Variants in RBFOX1 observed in about 807,000 individuals in gnomAD.
The protein encoded by RBFOX1 is RNA binding protein fox-1 homolog 1.
RBFOX1 carries 8 observed loss-of-function variants against 57.7 expected under a neutral mutation model. The ratio of observed to expected loss-of-function variants is 0.14; its 90% CI spans 0.08 to 0.25. RBFOX1 has a LOEUF of 0.25. Among genes scored for constraint, RBFOX1 ranks in the 10% least tolerant of loss-of-function variants. The pLI is 1.00. For missense variants in RBFOX1, 611 were observed against 548.5 expected (o/e 1.11, Z -1.14); for synonymous variants, 326 against 222.4 (o/e 1.47, Z -4.15).
At chr16:5,249,926 G>GAGGTTGCAGTGAGGAGC (rs1567234267) in intron 1 of RBFOX1, among the ~76,000 whole-genome samples, 2 of 151,800 alleles carry the variant, frequency 1.3e-5, no homozygotes, top group African/African-American at 2.4e-5. Flanking sequence ...CAGTGAGGAG[G>GAGGTTGCAGTGAGGAGC]AGGTTGCAGT....
intron 3 of RBFOX1, among the ~76,000 whole-genome samples, chr16:6,681,925 T>A (rs1054149286): frequency 2.0e-5 from 3 of 152,214 alleles, no homozygotes; most frequent in African/African-American, 7.2e-5. Flanking sequence ...AAGTCAAGTA[T>A]GTCCCTTAAA....
At chr16:6,592,537 AG>A (rs2097725942) in intron 2 of RBFOX1, among the ~76,000 whole-genome samples, 1 of 152,226 alleles carries the variant, frequency 6.6e-6, no homozygotes, top group Non-Finnish European at 1.5e-5. Context: ...GAATAAGGTG[AG>A]AGACTTTGGA....
At chr16:7,223,644 A>G (rs1014043446) in intron 4 of RBFOX1, among the ~76,000 whole-genome samples, 1 of 150,430 alleles carries the variant, frequency 6.6e-6, no homozygotes. Flanking sequence ...TATTTATTTC[A>G]GTGTCTTATG....
intron 2 of RBFOX1, among the ~76,000 whole-genome samples, chr16:6,546,577 ACAT>A: frequency 6.6e-6 from 1 of 152,156 alleles, no homozygotes; most frequent in South Asian, 2.1e-4. Context: ...GGCTCTTTTC[ACAT>A]CATCTTCCTT....
chr16:6,155,372 G>C (rs58553091), intron 1 of RBFOX1, among the ~76,000 whole-genome samples: 3,840 of 152,274 alleles, frequency 0.025, 157 homozygotes, highest in African/African-American at 0.084. Flanking sequence ...CTGGCCCACA[G>C]ATTTAGAAAC....
At chr16:5,564,719 C>T (rs546626193) in intron 2 of RBFOX1, among the ~76,000 whole-genome samples, 1 of 152,248 alleles carries the variant, frequency 6.6e-6, no homozygotes, top group Non-Finnish European at 1.5e-5. Flanking sequence ...TTTATTCATT[C>T]TTATCTTTGA....
chr16:7,114,681 TG>T (rs936590191), intron 4 of RBFOX1, among the ~76,000 whole-genome samples: 2 of 152,218 alleles, frequency 1.3e-5, no homozygotes, highest in African/African-American at 4.8e-5. Context: ...CCTGCCTCTC[TG>T]GAAATGAGAG....
chr16:6,986,715 T>A (rs17141940), intron 3 of RBFOX1, among the ~76,000 whole-genome samples: 1 of 151,994 alleles, frequency 6.6e-6, no homozygotes, highest in African/African-American at 2.4e-5. Flanking sequence ...TTTTGCAAAT[T>A]CTTGATGGGT....
At chr16:6,488,754 C>A (rs1051367286) in intron 2 of RBFOX1, among the ~76,000 whole-genome samples, 5 of 152,068 alleles carry the variant, frequency 3.3e-5, no homozygotes, top group Non-Finnish European at 7.4e-5. Context: ...TAATATTTAA[C>A]AACATTTTGA....
chr16:5,476,257 A>G (rs1220011239), intron 2 of RBFOX1, among the ~76,000 whole-genome samples: 4 of 152,212 alleles, frequency 2.6e-5, no homozygotes, highest in African/African-American at 9.6e-5. Flanking sequence ...GTCATATACC[A>G]TGAATATATG....
At chr16:6,445,085 C>T (rs1044187990) in intron 2 of RBFOX1, among the ~76,000 whole-genome samples, 6 of 151,912 alleles carry the variant, frequency 3.9e-5, no homozygotes, top group Admixed American at 6.6e-5. Context: ...GCATTCATGG[C>T]CCAGGCAGAA....
chr16:7,028,485 G>T (rs1057125047), intron 3 of RBFOX1, among the ~76,000 whole-genome samples: 7 of 151,616 alleles, frequency 4.6e-5, no homozygotes, highest in African/African-American at 1.7e-4. Flanking sequence ...TCCTTGGGAG[G>T]CTGAGGCAGG....
At chr16:6,229,943 G>A (rs528618846) in intron 1 of RBFOX1, among the ~76,000 whole-genome samples, 1 of 151,966 alleles carries the variant, frequency 6.6e-6, no homozygotes, top group South Asian at 2.1e-4. Flanking sequence ...TATTTTAAAG[G>A]AAAAGAAAAG....
intron 3 of RBFOX1, among the ~76,000 whole-genome samples, chr16:5,655,049 C>T (rs1400131409): frequency 1.3e-5 from 2 of 152,192 alleles, no homozygotes; most frequent in African/African-American, 4.8e-5. Flanking sequence ...AGTGAGGACG[C>T]ACACACTAGG....
intron 11 of RBFOX1, among the ~76,000 whole-genome samples, chr16:7,643,775 C>A (rs577660501): frequency 6.6e-6 from 1 of 152,238 alleles, no homozygotes; most frequent in South Asian, 2.1e-4. Context: ...TCCCTATGGC[C>A]GGCATCCAAT....
intron 4 of RBFOX1, among the ~76,000 whole-genome samples, chr16:7,193,854 A>C (rs1335645355): frequency 6.6e-6 from 1 of 152,210 alleles, no homozygotes; most frequent in African/African-American, 2.4e-5. Flanking sequence ...ATGTCACAAG[A>C]ATGAAAGAAT....
intron 2 of RBFOX1, among the ~76,000 whole-genome samples, chr16:6,630,546 A>G (rs760128947): frequency 2.0e-5 from 3 of 152,180 alleles, no homozygotes; most frequent in Non-Finnish European, 4.4e-5. Flanking sequence ...CACTATTCAT[A>G]AGGCCACTTT....
chr16:6,934,455 C>G (rs1453166447), intron 3 of RBFOX1, among the ~76,000 whole-genome samples: 1 of 152,058 alleles, frequency 6.6e-6, no homozygotes. Context: ...CTTAAAATAG[C>G]CAAGACATGG....
intron 1 of RBFOX1, among the ~76,000 whole-genome samples, chr16:6,250,489 A>C (rs62015143): frequency 0.13 from 19,411 of 152,158 alleles, 1,372 homozygotes; most frequent in Middle Eastern, 0.29. Context: ...CAGGCAGTAC[A>C]TGGCTTGGCA....
Sources: allele counts gnomAD v4.1 joint callset (sites outside exome capture counted in the v4.1 genomes callset), GRCh38; gene constraint gnomAD v4.1.1; transcripts MANE v1.5; gene names NCBI Gene and HGNC (gene_info 2026-07-23, HGNC 2026-07-21).